Variants in TNC observed in about 807,000 individuals in gnomAD.
The protein encoded by TNC is tenascin C, also known as tenascin.
TNC carries 109 observed loss-of-function variants against 202.4 expected under a neutral mutation model. The ratio of observed to expected loss-of-function variants is 0.54; its 90% CI spans 0.46 to 0.63. The LOEUF is 0.63. Ranked by LOEUF, TNC falls within the 30% of genes least tolerant of loss-of-function variation. The pLI, the probability that TNC is intolerant of heterozygous loss-of-function variation, is 0.00. For synonymous variants in TNC, 1,007 were observed against 1,089.7 expected (o/e 0.92, Z 1.50); for missense variants, 2,756 against 2,833.3 (o/e 0.97, Z 0.62).
chr9:115,021,199 T>C lies in TNC; in HGVS notation c.6564A>G (p.Pro2188=), dbSNP rs374074757. The C allele has an allele frequency of 1.5e-5, 24 of 1,613,868 alleles. No individual in the cohort carries two copies. Among genetic ancestry groups the C allele is most frequent in the Non-Finnish European group, 1.9e-5 (22 of 1,179,970 alleles). The change falls in exon 28 of 28, where the codon CCA becomes CCG. Residue 2188 remains proline (P), a synonymous_variant. Coordinates refer to ENST00000350763, the MANE Select transcript of TNC (RefSeq NM_002160.4). ...TGCCTTCAAGATTTCTGAAGTTGCT[T>C]GGTCTCAGCTTCATCTCAGCAAACT... ...SIQFAEMKLR[P]SNFRNLEGRR...
At chr9:115,114,383 C>A (rs1018824034) in intron 1 of TNC, among the ~76,000 whole-genome samples, 2 of 152,204 alleles carry the variant, frequency 1.3e-5, no homozygotes, top group Admixed American at 6.5e-5. Flanking sequence ...CTTTACCTAC[C>A]AATCAGCCCT....
At chr9:115,101,062 C>G (rs180830334) in intron 1 of TNC, among the ~76,000 whole-genome samples, 1 of 152,090 alleles carries the variant, frequency 6.6e-6, no homozygotes. Context: ...ACTTTTCTGT[C>G]TATCTATCCA....
Position 115,087,236 on chromosome 9 carries a change from G to T in TNC, c.495C>A (p.Gly165=). The T allele has an allele frequency of 6.2e-7, 1 of 1,614,174 alleles. No individual in the cohort carries two copies. The change falls in exon 3 of 28, where the codon GGC becomes GGA. Residue 165 remains glycine, a synonymous_variant. Coordinates refer to ENST00000350763, the MANE Select transcript of TNC (RefSeq NM_002160.4). ...AGCCACATCCTTCAGTGCTGAAGTT[G>T]CCCCGACCGCTACAGAAGGGCCTGG... ...LDTRPFCSGR[G]NFSTEGCGCV...
chr9:115,098,806 C>G (rs1211425047), intron 1 of TNC, among the ~76,000 whole-genome samples: 1 of 152,178 alleles, frequency 6.6e-6, no homozygotes, highest in East Asian at 1.9e-4. Flanking sequence ...GCCTGTCAAG[C>G]ATAGAGTTGC....
At chr9:115,023,646 C>T (rs2131479289) in intron 27 of TNC, among the ~76,000 whole-genome samples, 1 of 152,336 alleles carries the variant, frequency 6.6e-6, no homozygotes, top group South Asian at 2.1e-4. Flanking sequence ...GTGTCATCAA[C>T]CCTGCTTCAC....
chr9:115,084,874 A>T (rs1757113), intron 3 of TNC, among the ~76,000 whole-genome samples: 148,863 of 152,308 alleles, frequency 0.98, 72,845 homozygotes, highest in East Asian at 1. Context: ...ACTTTCTTAT[A>T]TTATAGAGGT....
At chr9:115,110,113 G>T (rs1836927182) in intron 1 of TNC, among the ~76,000 whole-genome samples, 1 of 152,148 alleles carries the variant, frequency 6.6e-6, no homozygotes, top group Non-Finnish European at 1.5e-5. Flanking sequence ...TAATTTACCT[G>T]GAGGAAGTGG....
chr9:115,096,019 G>A lies in TNC; in HGVS notation c.-136-4865C>T, dbSNP rs12683107. Reference sequence around the variant, plus strand: ...AGCATGTTGTGCTGCTTTTTGCTCCGCCTCAGCTTATGTATCTAACGCAAA... The same window carrying A: ...AGCATGTTGTGCTGCTTTTTGCTCCACCTCAGCTTATGTATCTAACGCAAA... On this transcript the variant is annotated intron_variant, in intron 1 of 27. Transcript: ENST00000350763. Among the ~76,000 whole-genome samples, 191 of 152,024 alleles carry A rather than the reference G, an allele frequency of 1.3e-3. 4 individuals are homozygous for A. The East Asian group carries it at 0.032, about 26-fold the overall frequency.
At chr9:115,032,740 G>A (rs80233163) in intron 22 of TNC, among the ~76,000 whole-genome samples, 28 of 152,290 alleles carry the variant, frequency 1.8e-4, no homozygotes, top group African/African-American at 5.3e-4. Context: ...GACCTCACAT[G>A]TCTCTCTTCT....
At chr9:115,079,542 G>C (rs541366583) in intron 6 of TNC, among the ~76,000 whole-genome samples, 1 of 152,138 alleles carries the variant, frequency 6.6e-6, no homozygotes, top group Non-Finnish European at 1.5e-5. Flanking sequence ...TTGGGTTTCC[G>C]TCAAGGACAC....
chr9:115,042,160 C>A, intron 18 of TNC, 59 bp downstream of exon 18: 2 of 1,558,896 alleles, frequency 1.3e-6, no homozygotes, highest in Non-Finnish European at 1.7e-6. Context: ...GGGTCTTTTT[C>A]ATGAATCCAT....
chr9:115,046,897 C>T (rs1306622731), intron 16 of TNC, among the ~76,000 whole-genome samples: 1 of 152,158 alleles, frequency 6.6e-6, no homozygotes, highest in Non-Finnish European at 1.5e-5. Context: ...CAATACAAGT[C>T]AAGCATATGT....
At chr9:115,023,892 A>G in intron 27 of TNC, 81 bp downstream of exon 27, 1 of 1,483,110 alleles carries the variant, frequency 6.7e-7, no homozygotes, top group Non-Finnish European at 9.3e-7. Context: ...CTCTGCTAGG[A>G]TAGGGAGTTA....
At chr9:115,062,372 C>T (rs1832609270) in intron 13 of TNC, among the ~76,000 whole-genome samples, 1 of 151,926 alleles carries the variant, frequency 6.6e-6, no homozygotes, top group Admixed American at 6.6e-5. Flanking sequence ...TTTGGGAGGC[C>T]AAGGTGAGAA....
At position 115,090,622 on chromosome 9, in the gene TNC, C is replaced by T. The variant is rs751109740; in HGVS notation, c.397G>A (p.Val133Met). Residue 133 changes from valine to methionine, a missense_variant, in exon 2 of 28, where the codon GTG (valine) becomes ATG (methionine). Around this residue, in one of 2 missense-constraint regions of TNC, gnomAD observed 2,559 missense variants for 2,546.0 expected, o/e 1.01. Coordinates refer to ENST00000350763, the MANE Select transcript of TNC (RefSeq NM_002160.4). ...GTACATTGCTCCCTCAGGGAAGACA[C>T]CAGGTTCTCCAGCTCCTCCAGTCTG... ...LSRLEELENL[V>M]SSLREQCTAG... The T allele has an allele frequency of 1.2e-6, 2 of 1,608,526 alleles. No homozygotes were observed. The highest frequency in any genetic ancestry group is 4.5e-5 in the East Asian group (2 of 44,790).
chr9:115,114,415 C>T (rs1837303749), intron 1 of TNC, among the ~76,000 whole-genome samples: 1 of 152,194 alleles, frequency 6.6e-6, no homozygotes, highest in African/African-American at 2.4e-5. Flanking sequence ...ATGTTTGGCT[C>T]ACCTGTGTGC....
At chr9:115,029,722 C>T (rs1299523681) in intron 24 of TNC, among the ~76,000 whole-genome samples, 1 of 152,136 alleles carries the variant, frequency 6.6e-6, no homozygotes, top group African/African-American at 2.4e-5. Context: ...ATGCACCATT[C>T]TGGTGCAGGA....
At chr9:115,102,737 G>C (rs1005884822) in intron 1 of TNC, among the ~76,000 whole-genome samples, 1 of 152,216 alleles carries the variant, frequency 6.6e-6, no homozygotes, top group Non-Finnish European at 1.5e-5. Flanking sequence ...GTTTGCATAT[G>C]TGCAGTTAGA....
chr9:115,045,382 T>C (rs1042635607), intron 17 of TNC, among the ~76,000 whole-genome samples: 1 of 152,140 alleles, frequency 6.6e-6, no homozygotes, highest in African/African-American at 2.4e-5. Context: ...ATTATCATTA[T>C]TTGAGACAGA....
Sources: gnomAD v4.1 joint callset for allele counts (sites outside exome capture counted in the v4.1 genomes callset) on GRCh38, gnomAD v4.1.1 for gene constraint, gnomAD v4.1.1 regional missense constraint, MANE v1.5 for transcripts, NCBI Gene and HGNC (gene_info 2026-07-23, HGNC 2026-07-21) for gene names.